Variants in UACA observed in about 807,000 individuals in gnomAD.
UACA encodes nuclear membrane binding protein.
Under a neutral mutation model 160.5 loss-of-function variants are expected in UACA, and 112 were observed. That is an observed-to-expected ratio of 0.70 (90% CI 0.60 to 0.82). UACA has a LOEUF of 0.82. Among genes scored for constraint, UACA ranks in the 40% least tolerant of loss-of-function variants. The pLI, the probability that UACA is intolerant of heterozygous loss-of-function variation, is 0.00. For synonymous variants in UACA, 557 were observed against 568.4 expected (o/e 0.98, Z 0.29); for missense variants, 1,574 against 1,614.6 (o/e 0.97, Z 0.43).
Position 70,660,315 on chromosome 15 carries a change from T to C in UACA, c.4114-99A>G. The C allele has an allele frequency of 3.1e-6, 3 of 982,572 alleles. No individual in the cohort carries two copies. The East Asian group carries it at 7.4e-5, about 24-fold the overall frequency. 60.9% of individuals were successfully genotyped at this position (982,572 alleles called of 1,614,324 possible). On this transcript the variant is annotated intron_variant, in intron 17 of 18. Coordinates refer to ENST00000322954, the MANE Select transcript of UACA (RefSeq NM_018003.4). Reference sequence around the variant, plus strand: ...TCATGCTACAAAACTATTATTATTATTAAGGCGATCCTGCTACTTCTAACA... The same window carrying C: ...TCATGCTACAAAACTATTATTATTACTAAGGCGATCCTGCTACTTCTAACA...
chr15:70,767,423 T>C (rs1273222560), upstream of UACA, among the ~76,000 whole-genome samples: 1 of 150,538 alleles, frequency 6.6e-6, no homozygotes, highest in Non-Finnish European at 1.5e-5. Context: ...ACCCCATCTC[T>C]ACTAAAATAC....
intron 1 of UACA, among the ~76,000 whole-genome samples, chr15:70,741,421 G>C (rs892152863): frequency 6.6e-6 from 1 of 152,152 alleles, no homozygotes; most frequent in African/African-American, 2.4e-5. Context: ...TACCAAACAA[G>C]GAACTGGGGA....
intron 18 of UACA, among the ~76,000 whole-genome samples, 199 bp downstream of exon 18, chr15:70,659,952 G>C (rs2140882455): frequency 6.6e-6 from 1 of 152,178 alleles, no homozygotes; most frequent in South Asian, 2.1e-4. Context: ...CTAAATTTAA[G>C]ATGTTGTGTT....
At chr15:70,715,145 T>C (rs1898787555) in intron 1 of UACA, among the ~76,000 whole-genome samples, 1 of 152,188 alleles carries the variant, frequency 6.6e-6, no homozygotes, top group Admixed American at 6.5e-5. Context: ...TTAAAAAGCC[T>C]AAATGTCATA....
chr15:70,769,338 CAAAAAAAAAAA>C, the UACA span, among the ~76,000 whole-genome samples: 7 of 77,700 alleles, frequency 9.0e-5, no homozygotes, highest in African/African-American at 2.4e-4. Context: ...GACTCCGACT[CAAAAAAAAAAA>C]AAAAAAAAAA....
intron 1 of UACA, among the ~76,000 whole-genome samples, chr15:70,741,294 C>T (rs576678642): frequency 1.1e-4 from 17 of 152,360 alleles, no homozygotes; most frequent in Admixed American, 3.3e-4. Flanking sequence ...TCAGCACTTA[C>T]ATCTTACTCT....
the UACA span, among the ~76,000 whole-genome samples, chr15:70,778,391 CAG>C: frequency 1.3e-5 from 2 of 152,208 alleles, no homozygotes; most frequent in African/African-American, 4.8e-5. Flanking sequence ...CAAGCTCTGG[CAG>C]AGTGTTCATT....
At chr15:70,759,016 C>T (rs2030587452) in intron 1 of UACA, among the ~76,000 whole-genome samples, 1 of 152,168 alleles carries the variant, frequency 6.6e-6, no homozygotes, top group Admixed American at 6.6e-5. Flanking sequence ...GCTAGGACCA[C>T]AGGCATGCAC....
In UACA at chr15:70,667,882, C is replaced by A. The variant is rs756032048; in HGVS notation, c.2802G>T (p.Ser934=). Residue 934 remains serine (S), a synonymous_variant, in exon 16 of 19, where the codon TCG becomes TCT. Coordinates refer to ENST00000322954, the MANE Select transcript of UACA (RefSeq NM_018003.4). ...SLAEHEAKMS[S]LSQSMRKVQD... is the part of the protein sequence containing the mutation. ...GCACCTTTCTCATGCTCTGACTTAG[C>A]GAGCTCATCTTTGCCTCGTGCTCTG... is the stretch of plus-strand genomic sequence containing the variant. The A allele has an allele frequency of 1.2e-6, 2 of 1,614,022 alleles. No homozygotes were observed. Among genetic ancestry groups the A allele is most frequent in the Non-Finnish European group, 1.7e-6 (2 of 1,179,984 alleles).
At chr15:70,746,015 T>C (rs373303140) in intron 1 of UACA, among the ~76,000 whole-genome samples, 1 of 152,118 alleles carries the variant, frequency 6.6e-6, no homozygotes, top group Non-Finnish European at 1.5e-5. Flanking sequence ...ACGTAAGACC[T>C]AAAACCATAA....
chr15:70,778,233 T>C, the UACA span, among the ~76,000 whole-genome samples: 239 of 151,988 alleles, frequency 1.6e-3, 3 homozygotes, highest in Non-Finnish European at 1.2e-3. Flanking sequence ...AACAGGAACC[T>C]TTTTTTACTC....
At chr15:70,714,923 T>C (rs765656423) in intron 1 of UACA, among the ~76,000 whole-genome samples, 7 of 152,224 alleles carry the variant, frequency 4.6e-5, no homozygotes, top group Non-Finnish European at 7.4e-5. Context: ...TATTTTACCC[T>C]TCCTCAAGAG....
At chr15:70,679,384 C>A (rs1384275176) in intron 10 of UACA, among the ~76,000 whole-genome samples, 1 of 149,302 alleles carries the variant, frequency 6.7e-6, no homozygotes, top group African/African-American at 2.5e-5. Context: ...GCCTGGGCAA[C>A]AGAGCCAGAC....
intron 10 of UACA, 65 bp downstream of exon 10, chr15:70,679,543 C>G: frequency 1.8e-6 from 2 of 1,103,514 alleles, no homozygotes; most frequent in Non-Finnish European, 2.6e-6. Flanking sequence ...TCTCTTCTCT[C>G]TCAATCCCAC....
In UACA at chr15:70,667,840, T is replaced by G; in HGVS notation, c.2844A>C (p.Glu948Asp). The G allele has an allele frequency of 6.2e-7, 1 of 1,614,004 alleles. No individual in the cohort carries two copies. Among genetic ancestry groups the G allele is most frequent in the African/African-American group, 1.3e-5 (1 of 75,034 alleles). Residue 948 changes from glutamate to aspartate, a missense_variant, in exon 16 of 19, where the codon GAA becomes GAC. Coordinates refer to ENST00000322954, the MANE Select transcript of UACA (RefSeq NM_018003.4). ...SMRKVQDSNA[E>D]ILANYRKGQE... ...GGCCTTTTCTGTAGTTGGCCAAGAT[T>G]TCAGCATTACTATCCTGCACCTTTC...
intron 1 of UACA, among the ~76,000 whole-genome samples, chr15:70,728,666 C>A (rs1899224393): frequency 1.3e-5 from 2 of 150,786 alleles, no homozygotes; most frequent in East Asian, 1.9e-4. Context: ...TCAAAGGCAA[C>A]TGCAAAGAAA....
At chr15:70,666,102 T>C (rs1473206512) in intron 16 of UACA, among the ~76,000 whole-genome samples, 1 of 152,194 alleles carries the variant, frequency 6.6e-6, no homozygotes, top group Admixed American at 6.5e-5. Context: ...TTTAAATGGA[T>C]GGCAAAGCCA....
intron 1 of UACA, among the ~76,000 whole-genome samples, chr15:70,743,509 G>C (rs1294771630): frequency 6.6e-6 from 1 of 152,116 alleles, no homozygotes; most frequent in East Asian, 1.9e-4. Flanking sequence ...AGAGCATCTA[G>C]CCACTGGACT....
intron 1 of UACA, among the ~76,000 whole-genome samples, chr15:70,720,961 C>T (rs939371450): frequency 1.3e-5 from 2 of 152,216 alleles, no homozygotes; most frequent in East Asian, 1.9e-4. Flanking sequence ...AGAGGATGCT[C>T]CATCATTCTG....
Sources: gnomAD v4.1 joint callset for allele counts (sites outside exome capture counted in the v4.1 genomes callset) on GRCh38, gnomAD v4.1.1 for gene constraint, MANE v1.5 for transcripts, NCBI Gene and HGNC (gene_info 2026-07-23, HGNC 2026-07-21) for gene names.